The following GRM8 variants were observed in gnomAD, a reference collection of about 807,000 sequenced individuals.
GRM8 encodes the protein metabotropic glutamate receptor 8.
Under a neutral mutation model 87.2 loss-of-function variants are expected in GRM8, and 47 were observed. The observed-to-expected ratio is 0.54, with a 90% CI of 0.43 to 0.69. The LOEUF (loss-of-function observed/expected upper bound fraction) is 0.69, where lower values mean the gene tolerates loss of function less well. GRM8 is among the 30% of genes least tolerant of loss of function. The pLI is 0.00. For synonymous variants in GRM8, 396 were observed against 404.5 expected (o/e 0.98, Z 0.25); for missense variants, 1,019 against 1,139.2 (o/e 0.89, Z 1.52).
At chr7:126,531,299 T>G (rs1359219995) in intron 9 of GRM8, among the ~76,000 whole-genome samples, 1 of 152,254 alleles carries the variant, frequency 6.6e-6, no homozygotes, top group Non-Finnish European at 1.5e-5. Flanking sequence ...CTTTTTCACA[T>G]TCAACTATAT....
intron 3 of GRM8, among the ~76,000 whole-genome samples, chr7:127,105,957 T>A (rs79680953): frequency 1.3e-3 from 202 of 152,208 alleles, no homozygotes; most frequent in Non-Finnish European, 2.5e-3. Context: ...AGTTTTTACA[T>A]CTTGTCCTTC....
chr7:126,828,480 A>G (rs1795038809), intron 6 of GRM8, among the ~76,000 whole-genome samples: 1 of 151,644 alleles, frequency 6.6e-6, no homozygotes, highest in Non-Finnish European at 1.5e-5. Flanking sequence ...TTTCTTCTAG[A>G]TTTTCTAGTT....
At chr7:126,928,038 T>TA (rs1027529191) in intron 3 of GRM8, among the ~76,000 whole-genome samples, 11 of 152,012 alleles carry the variant, frequency 7.2e-5, no homozygotes, top group African/African-American at 2.7e-4. Flanking sequence ...TATGCAGCCT[T>TA]AAAAAACGGA....
At chr7:126,960,682 G>T (rs1440667686) in intron 3 of GRM8, among the ~76,000 whole-genome samples, 3 of 152,092 alleles carry the variant, frequency 2.0e-5, no homozygotes, top group African/African-American at 7.2e-5. Context: ...AACTATTTTT[G>T]GATGCTATTT....
intron 7 of GRM8, among the ~76,000 whole-genome samples, chr7:126,613,281 G>A (rs1799100500): frequency 9.0e-6 from 1 of 110,960 alleles, no homozygotes; most frequent in African/African-American, 2.9e-5. Context: ...GAATTAAGTG[G>A]CGAATTTTTT....
intron 7 of GRM8, among the ~76,000 whole-genome samples, chr7:126,653,080 C>CA (rs760190002): frequency 6.6e-6 from 1 of 151,838 alleles, no homozygotes; most frequent in Non-Finnish European, 1.5e-5. Context: ...GTGTGAGAAT[C>CA]AAAAGAGTTC....
intron 9 of GRM8, among the ~76,000 whole-genome samples, chr7:126,529,478 C>A (rs897582376): frequency 1.3e-5 from 2 of 152,176 alleles, no homozygotes; most frequent in African/African-American, 2.4e-5. Flanking sequence ...AAGGTGACAA[C>A]CAGCTTTCTG....
At chr7:127,216,967 C>T (rs1324521642) in intron 2 of GRM8, among the ~76,000 whole-genome samples, 1 of 152,172 alleles carries the variant, frequency 6.6e-6, no homozygotes, top group Non-Finnish European at 1.5e-5. Flanking sequence ...TGTCACATCA[C>T]CCTTTTTAAA....
At chr7:126,985,830 G>T (rs908295913) in intron 3 of GRM8, among the ~76,000 whole-genome samples, 1 of 152,132 alleles carries the variant, frequency 6.6e-6, no homozygotes, top group African/African-American at 2.4e-5. Flanking sequence ...CATCTTAAAG[G>T]CCCCACCTCT....
chr7:126,483,906 G>T (rs1461367836), intron 9 of GRM8, among the ~76,000 whole-genome samples: 3 of 151,600 alleles, frequency 2.0e-5, no homozygotes, highest in Non-Finnish European at 1.5e-5. Flanking sequence ...ATCTGGTCTA[G>T]AGTGTAAATA....
chr7:127,182,665 GTGTGTGTGTGTGTGTGTA>G (rs1196243982), intron 2 of GRM8, among the ~76,000 whole-genome samples: 1 of 114,524 alleles, frequency 8.7e-6, no homozygotes, highest in African/African-American at 3.1e-5. Context: ...GTGTGTGTGT[GTGTGTGTGTGTGTGTGTA>G]TAGACAGATA....
intron 10 of GRM8, among the ~76,000 whole-genome samples, chr7:126,439,463 G>A (rs1801205727): frequency 3.9e-5 from 6 of 152,046 alleles, no homozygotes. Context: ...TAATTCACAT[G>A]TTTGTGGTTT....
chr7:126,569,401 C>T (rs1383752874), intron 8 of GRM8, among the ~76,000 whole-genome samples: 7 of 152,096 alleles, frequency 4.6e-5, no homozygotes, highest in Admixed American at 4.6e-4. Context: ...GTTTGTTCCC[C>T]CAAGACATAC....
chr7:126,616,053 C>T (rs1799454564), intron 7 of GRM8, among the ~76,000 whole-genome samples: 1 of 152,166 alleles, frequency 6.6e-6, no homozygotes, highest in Non-Finnish European at 1.5e-5. Flanking sequence ...ACTCTCCACC[C>T]CAAATCAACA....
At chr7:126,885,423 T>C (rs1342162866) in intron 6 of GRM8, among the ~76,000 whole-genome samples, 1 of 152,162 alleles carries the variant, frequency 6.6e-6, no homozygotes. Context: ...AGGGGAGTAC[T>C]GAAATCATTC....
At chr7:126,752,707 G>C (rs1816565221) in intron 7 of GRM8, among the ~76,000 whole-genome samples, 1 of 152,086 alleles carries the variant, frequency 6.6e-6, no homozygotes, top group Admixed American at 6.6e-5. Flanking sequence ...TGACAGAAGA[G>C]AATTTACTAT....
intron 8 of GRM8, among the ~76,000 whole-genome samples, chr7:126,580,457 T>A (rs751280602): frequency 6.6e-6 from 1 of 152,098 alleles, no homozygotes; most frequent in Non-Finnish European, 1.5e-5. Flanking sequence ...GCTTTCTTCT[T>A]TTTCCTAAAA....
chr7:127,040,063 AAG>A (rs1244426140), intron 3 of GRM8, among the ~76,000 whole-genome samples: 4 of 1,716 alleles, frequency 2.3e-3, no homozygotes, highest in Non-Finnish European at 3.0e-3. Flanking sequence ...AGGAGGGAAG[AAG>A]GGGAGATGGG....
chr7:126,820,307 A>G (rs1794181130), intron 6 of GRM8, among the ~76,000 whole-genome samples: 1 of 152,254 alleles, frequency 6.6e-6, no homozygotes. Context: ...CAGATGATAT[A>G]CAAAATGAGA....
Sources: allele counts gnomAD v4.1 joint callset (sites outside exome capture counted in the v4.1 genomes callset), GRCh38; gene constraint gnomAD v4.1.1; transcripts MANE v1.5; gene names NCBI Gene and HGNC (gene_info 2026-07-23, HGNC 2026-07-21).